The following ZNF704 variants were observed in gnomAD, a reference collection of about 807,000 sequenced individuals.
ZNF704 encodes the protein glucocorticoid induced gene 1.
A neutral mutation model predicts 44.7 loss-of-function variants in ZNF704; 10 were observed. The observed-to-expected ratio is 0.22, with a 90% CI of 0.14 to 0.38. The LOEUF (loss-of-function observed/expected upper bound fraction) is 0.38, where lower values mean the gene tolerates loss of function less well. ZNF704 is among the 10% of genes least tolerant of loss of function. ZNF704 has a pLI of 1.00. For missense variants in ZNF704, 390 were observed against 545.5 expected (o/e 0.71, Z 2.84); for synonymous variants, 211 against 207.6 (o/e 1.02, Z -0.14).
At chr8:80,752,202 C>T (rs779288171) in intron 2 of ZNF704, among the ~76,000 whole-genome samples, 3 of 152,140 alleles carry the variant, frequency 2.0e-5, no homozygotes, top group Non-Finnish European at 4.4e-5. Context: ...AATGCACTCA[C>T]TACTTTGCAG....
intron 2 of ZNF704, among the ~76,000 whole-genome samples, chr8:80,695,860 A>C (rs898794855): frequency 6.6e-6 from 1 of 152,210 alleles, no homozygotes; most frequent in African/African-American, 2.4e-5. Flanking sequence ...GATTACCTTT[A>C]AGTTTCCTGC....
chr8:80,768,310 T>C (rs1261976833), intron 2 of ZNF704, among the ~76,000 whole-genome samples: 2 of 152,144 alleles, frequency 1.3e-5, no homozygotes, highest in African/African-American at 4.8e-5. Flanking sequence ...GATATGTCCT[T>C]GTCAGTACAT....
intron 1 of ZNF704, among the ~76,000 whole-genome samples, chr8:80,836,095 C>A (rs749171936): frequency 1.7e-4 from 26 of 152,174 alleles, no homozygotes; most frequent in Non-Finnish European, 2.9e-4. Flanking sequence ...AGGGTCAGAT[C>A]ATGCCCCTCC....
intron 2 of ZNF704, among the ~76,000 whole-genome samples, chr8:80,723,937 G>C (rs1238057742): frequency 6.6e-6 from 1 of 152,212 alleles, no homozygotes; most frequent in Non-Finnish European, 1.5e-5. Flanking sequence ...AGTTGTTAAT[G>C]AGGGAAATGC....
chr8:80,868,458 T>C (rs948756084), intron 1 of ZNF704, among the ~76,000 whole-genome samples: 1 of 152,168 alleles, frequency 6.6e-6, no homozygotes, highest in Non-Finnish European at 1.5e-5. Flanking sequence ...TGAATCCCAA[T>C]ACATATAGAA....
At chr8:80,785,798 C>A (rs759543007) in intron 2 of ZNF704, among the ~76,000 whole-genome samples, 7 of 152,122 alleles carry the variant, frequency 4.6e-5, no homozygotes, top group Non-Finnish European at 1.0e-4. Context: ...AATCATTTTT[C>A]CAGGCCCTGA....
chr8:80,684,071 A>T (rs1818496358), intron 4 of ZNF704, among the ~76,000 whole-genome samples: 1 of 152,208 alleles, frequency 6.6e-6, no homozygotes, highest in South Asian at 2.1e-4. Context: ...CTATCCTGAG[A>T]GGGGCATGTT....
intron 2 of ZNF704, among the ~76,000 whole-genome samples, chr8:80,802,052 T>G (rs1273663675): frequency 6.6e-6 from 1 of 151,912 alleles, no homozygotes; most frequent in East Asian, 1.9e-4. Flanking sequence ...AACACCTCTA[T>G]GCACATAAAC....
chr8:80,805,252 T>C (rs976971517), intron 2 of ZNF704, among the ~76,000 whole-genome samples: 1 of 152,194 alleles, frequency 6.6e-6, no homozygotes, highest in Non-Finnish European at 1.5e-5. Context: ...CTAGCACTTC[T>C]AGCTTGTGAT....
At chr8:80,749,858 AG>A (rs1459005917) in intron 2 of ZNF704, among the ~76,000 whole-genome samples, 1 of 152,220 alleles carries the variant, frequency 6.6e-6, no homozygotes, top group African/African-American at 2.4e-5. Flanking sequence ...CTATGGTGTC[AG>A]TAACTGAACC....
chr8:80,696,474 G>A (rs1226725883), intron 2 of ZNF704, among the ~76,000 whole-genome samples: 1 of 152,196 alleles, frequency 6.6e-6, no homozygotes, highest in African/African-American at 2.4e-5. Flanking sequence ...CTGGAGTGCA[G>A]TGGTGTTATC....
At chr8:80,795,621 G>A (rs532614529) in intron 2 of ZNF704, among the ~76,000 whole-genome samples, 58 of 151,960 alleles carry the variant, frequency 3.8e-4, no homozygotes, top group African/African-American at 1.3e-3. Context: ...GGGAGGCTGC[G>A]GCAGGAGAGT....
intron 4 of ZNF704, among the ~76,000 whole-genome samples, chr8:80,676,943 G>A (rs1478447021): frequency 1.3e-5 from 2 of 152,238 alleles, no homozygotes; most frequent in Non-Finnish European, 2.9e-5. Flanking sequence ...AACCGGCTGT[G>A]TGCGGACTGA....
chr8:80,841,558 T>C (rs1808679942), intron 1 of ZNF704, among the ~76,000 whole-genome samples: 1 of 152,218 alleles, frequency 6.6e-6, no homozygotes, highest in African/African-American at 2.4e-5. Context: ...CACGTGTTAT[T>C]GAGAGAATCA....
intron 2 of ZNF704, among the ~76,000 whole-genome samples, chr8:80,782,918 G>A (rs900041394): frequency 6.6e-6 from 1 of 152,066 alleles, no homozygotes; most frequent in African/African-American, 2.4e-5. Context: ...CGCCCATATG[G>A]AGTGCCGACT....
chr8:80,680,597 C>G (rs1235820385), intron 4 of ZNF704, among the ~76,000 whole-genome samples: 1 of 152,116 alleles, frequency 6.6e-6, no homozygotes, highest in Non-Finnish European at 1.5e-5. Context: ...GTCAAGAGGT[C>G]CACACAGATC....
At chr8:80,731,146 T>C (rs780452188) in intron 2 of ZNF704, among the ~76,000 whole-genome samples, 1 of 152,232 alleles carries the variant, frequency 6.6e-6, no homozygotes, top group Non-Finnish European at 1.5e-5. Context: ...CCAGGTTCCA[T>C]TGCTAAACAG....
rs1287910905 is a variant in ZNF704 at position 80,683,538 on chromosome 8, A to T, written c.558+3688T>A. On this transcript the variant is annotated intron_variant, in intron 4 of 8. Transcript: ENST00000327835. ...GGCTGAAGGAAATATGGATTCACTG[A>T]ATTAACTTGGCCTCAAACGTTTCCT... 2.0e-5 allele frequency among the ~76,000 whole-genome samples: 3 copies of T among 152,176 alleles called. No homozygotes were observed. In the South Asian group the frequency reaches 6.2e-4, roughly 32 times the overall value.
At chr8:80,647,586 T>C (rs1817853328) in intron 7 of ZNF704, among the ~76,000 whole-genome samples, 1 of 152,200 alleles carries the variant, frequency 6.6e-6, no homozygotes, top group Non-Finnish European at 1.5e-5. Context: ...GGCAAAGACA[T>C]ACTGGTGGTT....
Sources: gnomAD v4.1 joint callset for allele counts (sites outside exome capture counted in the v4.1 genomes callset) on GRCh38, gnomAD v4.1.1 for gene constraint, MANE v1.5 for transcripts, NCBI Gene and HGNC (gene_info 2026-07-23, HGNC 2026-07-21) for gene names.